ADK: variants seen among roughly 807,000 people sequenced by gnomAD.
The protein encoded by ADK is N6,N6-dimethyladenosine kinase.
A neutral mutation model predicts 44.7 loss-of-function variants in ADK; 24 were observed. That is an observed-to-expected ratio of 0.54 (90% CI 0.39 to 0.76). The LOEUF is 0.76. Among genes scored for constraint, ADK ranks in the 30% least tolerant of loss-of-function variants. The pLI, the probability that ADK is intolerant of heterozygous loss-of-function variation, is 0.00. For synonymous variants in ADK, 128 were observed against 142.6 expected (o/e 0.90, Z 0.73); for missense variants, 321 against 425.1 (o/e 0.76, Z 2.15).
intron 9 of ADK, among the ~76,000 whole-genome samples, chr10:74,662,774 C>T (rs1005724439): frequency 6.6e-6 from 1 of 152,162 alleles, no homozygotes; most frequent in Non-Finnish European, 1.5e-5. Flanking sequence ...CTTGAATGTT[C>T]TACCCCTGGA....
intron 6 of ADK, among the ~76,000 whole-genome samples, chr10:74,413,235 TAA>T (rs937890472): frequency 6.8e-6 from 1 of 146,744 alleles, no homozygotes; most frequent in South Asian, 2.2e-4. Flanking sequence ...CATTAGCCCC[TAA>T]AAAAAAAAGA....
chr10:74,708,368 C>T lies in ADK; in HGVS notation c.1012C>T (p.Arg338Cys), dbSNP rs766436249. ...TGACAAGCCTCTGACTGAATGTATC[C>T]GTGCTGGCCACTATGCAGCAAGCAT... ...VSDKPLTECI[R>C]AGHYAASIII... is the part of the protein sequence containing the mutation. Residue 338 changes from arginine (R) to cysteine (C), a missense_variant, in exon 11 of 11, where the codon CGT (arginine) becomes TGT (cysteine). By Grantham distance (180) the Arg-to-Cys change is radical. Transcript: ENST00000539909. The T allele has an allele frequency of 1.2e-5, 19 of 1,612,438 alleles. No homozygotes were observed. The highest frequency in any genetic ancestry group is 1.2e-4 in the Admixed American group (7 of 59,938).
intron 3 of ADK, among the ~76,000 whole-genome samples, chr10:74,271,828 CA>C: frequency 6.6e-6 from 1 of 151,752 alleles, no homozygotes; most frequent in East Asian, 1.9e-4. Flanking sequence ...ATAGTACTTA[CA>C]AAAATGTAAT....
At chr10:74,422,661 G>C (rs187441006) in intron 6 of ADK, among the ~76,000 whole-genome samples, 2 of 152,212 alleles carry the variant, frequency 1.3e-5, no homozygotes, top group African/African-American at 4.8e-5. Flanking sequence ...TGATCAATGG[G>C]CTGACTATAT....
chr10:74,543,421 A>G (rs1217497820), intron 7 of ADK, among the ~76,000 whole-genome samples: 1 of 152,148 alleles, frequency 6.6e-6, no homozygotes, highest in Non-Finnish European at 1.5e-5. Context: ...TCTCTTATGT[A>G]TGGACATTAA....
At chr10:74,531,403 A>G (rs192356115) in intron 7 of ADK, among the ~76,000 whole-genome samples, 27 of 152,348 alleles carry the variant, frequency 1.8e-4, no homozygotes, top group Admixed American at 1.7e-3. Flanking sequence ...GACACAAAGT[A>G]CTAAATCATA....
chr10:74,183,200 G>T lies in ADK; in HGVS notation c.66-17564G>T, dbSNP rs531375804. Among the ~76,000 whole-genome samples the T allele has an allele frequency of 2.0e-5, 3 of 152,314 alleles. No homozygotes were observed. The South Asian group carries it at 6.2e-4, about 32-fold the overall frequency. On this transcript the variant is annotated intron_variant, in intron 1 of 10. Transcript: ENST00000539909. ...TCCACCTGCTTTGACCTCACAAAGT[G>T]CTGGGCCTCCCAAAATGCTGGGATT...
intron 10 of ADK, among the ~76,000 whole-genome samples, chr10:74,696,177 C>T (rs1856193845): frequency 6.6e-6 from 1 of 151,738 alleles, no homozygotes; most frequent in Admixed American, 6.6e-5. Context: ...CACACCACCA[C>T]ACCTGGCTAA....
Position 74,644,021 on chromosome 10 carries a change from T to C in ADK, c.878-26162T>C, listed in dbSNP as rs116267688. ...ATCCTCTGTATTATAGCCTGGTAATTCTTCATTCTTTTGTTAGGACTTCAA... is the reference window on the plus strand; with the variant it reads ...ATCCTCTGTATTATAGCCTGGTAATCCTTCATTCTTTTGTTAGGACTTCAA... On this transcript the variant is annotated intron_variant, in intron 9 of 10. Transcript: ENST00000539909. Among the ~76,000 whole-genome samples, 773 of 152,346 alleles carry C rather than the reference T, an allele frequency of 5.1e-3. 9 individuals carry two copies. The highest frequency in any genetic ancestry group is 0.018 in the African/African-American group (735 of 41,580).
intron 6 of ADK, among the ~76,000 whole-genome samples, chr10:74,405,513 C>T (rs1843888810): frequency 5.3e-5 from 8 of 151,860 alleles, no homozygotes; most frequent in Admixed American, 5.2e-4. Context: ...GGTACACGTG[C>T]ACAACATGCA....
chr10:74,261,798 C>T (rs1260526115), intron 3 of ADK, among the ~76,000 whole-genome samples: 3 of 151,444 alleles, frequency 2.0e-5, no homozygotes, highest in Non-Finnish European at 2.9e-5. Flanking sequence ...CCTCTTTCCT[C>T]CTGGTATTCT....
At chr10:74,564,676 G>A (rs1437598385) in intron 7 of ADK, among the ~76,000 whole-genome samples, 3 of 151,942 alleles carry the variant, frequency 2.0e-5, no homozygotes, top group African/African-American at 7.3e-5. Flanking sequence ...TTGTGTGTTT[G>A]CATTCTTCCT....
At chr10:74,227,698 G>A (rs1429481546) in intron 3 of ADK, among the ~76,000 whole-genome samples, 2 of 152,188 alleles carry the variant, frequency 1.3e-5, no homozygotes, top group Non-Finnish European at 2.9e-5. Context: ...ACAAAAATTA[G>A]CCAGGCATGG....
At chr10:74,700,186 T>G (rs1036414198) in intron 10 of ADK, among the ~76,000 whole-genome samples, 1 of 152,186 alleles carries the variant, frequency 6.6e-6, no homozygotes, top group Non-Finnish European at 1.5e-5. Context: ...GGAGATACTA[T>G]GTAGCTGTAA....
intron 10 of ADK, among the ~76,000 whole-genome samples, chr10:74,702,524 T>TTCCTTCCTTCCTTCCTTCC (rs1589382755): frequency 2.2e-4 from 26 of 120,884 alleles, no homozygotes; most frequent in African/African-American, 8.2e-4. Flanking sequence ...TCCTTCCTTC[T>TTCCTTCCTTCCTTCCTTCC]TTCCTTCCTT....
At chr10:74,620,784 TG>T (rs1303192314) in intron 9 of ADK, among the ~76,000 whole-genome samples, 1 of 152,214 alleles carries the variant, frequency 6.6e-6, no homozygotes, top group Non-Finnish European at 1.5e-5. Flanking sequence ...ATTTTCCTGA[TG>T]ATTAGTGATA....
At chr10:74,658,188 T>A (rs1305623039) in intron 9 of ADK, among the ~76,000 whole-genome samples, 2 of 152,222 alleles carry the variant, frequency 1.3e-5, no homozygotes, top group African/African-American at 2.4e-5. Flanking sequence ...GTACTCTGTT[T>A]ATTCATCATA....
At chr10:74,159,948 C>T (rs546186208) in intron 1 of ADK, among the ~76,000 whole-genome samples, 102 of 152,216 alleles carry the variant, frequency 6.7e-4, no homozygotes, top group Non-Finnish European at 1.2e-3. Context: ...CTCTGTTGTC[C>T]TTTAGATTCA....
At position 74,176,968 on chromosome 10, in the gene ADK, G is replaced by A. The variant is rs1319275444; in HGVS notation, c.66-23796G>A. 3.2e-6 allele frequency: 5 copies of A among 1,576,596 alleles called. No homozygotes were observed. The African/African-American group carries it at 5.4e-5, about 17-fold the overall frequency. ...CGTGAGCACTGTCGCTCCTTCTCGC[G>A]GGTGGTCTGGAGCCTGCCTCCGCCT... is the stretch of plus-strand genomic sequence containing the variant. On this transcript the variant is annotated intron_variant, in intron 1 of 10. Coordinates refer to ENST00000539909, the MANE Select transcript of ADK (RefSeq NM_006721.4).
Sources: gnomAD v4.1 joint callset for allele counts (sites outside exome capture counted in the v4.1 genomes callset) on GRCh38, gnomAD v4.1.1 for gene constraint, MANE v1.5 for transcripts, NCBI Gene and HGNC (gene_info 2026-07-23, HGNC 2026-07-21) for gene names.